MSRB3: variants seen among roughly 807,000 people sequenced by gnomAD.
MSRB3 encodes the protein methionine-R-sulfoxide reductase B3.
In MSRB3, 13 loss-of-function variants were observed where a neutral mutation model predicts 21.0. The observed-to-expected ratio is 0.62, with a 90% CI of 0.40 to 0.98. The LOEUF (loss-of-function observed/expected upper bound fraction) is 0.98, where lower values mean the gene tolerates loss of function less well. Ranked by LOEUF, MSRB3 falls within the 50% of genes least tolerant of loss-of-function variation. MSRB3 has a pLI of 0.00. For synonymous variants in MSRB3, 87 were observed against 88.6 expected, an observed-to-expected ratio of 0.98 and a Z score of 0.10; for missense variants, 199 against 230.3, an observed-to-expected ratio of 0.86 and a Z score of 0.88.
intron 5 of MSRB3, among the ~76,000 whole-genome samples, chr12:65,396,687 A>G (rs1178050072): frequency 2.4e-4 from 18 of 76,536 alleles, no homozygotes; most frequent in Non-Finnish European, 4.5e-4. Flanking sequence ...GTGAAACTCC[A>G]TCTCAAAAAA....
intron 4 of MSRB3, among the ~76,000 whole-genome samples, chr12:65,343,066 G>A (rs1180252301): frequency 6.6e-6 from 1 of 152,002 alleles, no homozygotes; most frequent in East Asian, 1.9e-4. Context: ...TTTGCTCAAT[G>A]TGTTACAAAC....
intron 6 of MSRB3, among the ~76,000 whole-genome samples, chr12:65,462,322 G>T (rs1169090291): frequency 1.3e-5 from 2 of 152,162 alleles, no homozygotes; most frequent in African/African-American, 4.8e-5. Context: ...CGCAGTTAGT[G>T]TAGGGGTGTT....
At chr12:65,288,091 T>A (rs1254440250) in intron 1 of MSRB3, among the ~76,000 whole-genome samples, 1 of 151,848 alleles carries the variant, frequency 6.6e-6, no homozygotes, top group African/African-American at 2.4e-5. Flanking sequence ...GATCACGAGG[T>A]CAAGAGATTG....
At chr12:65,318,400 T>C (rs577395561) in intron 2 of MSRB3, among the ~76,000 whole-genome samples, 1 of 152,266 alleles carries the variant, frequency 6.6e-6, no homozygotes, top group Admixed American at 6.5e-5. Flanking sequence ...TCCCTAGCAG[T>C]CGGTGCTCCC....
chr12:65,325,443 C>T (rs916199983), intron 2 of MSRB3, among the ~76,000 whole-genome samples: 28 of 151,984 alleles, frequency 1.8e-4, no homozygotes, highest in Non-Finnish European at 8.8e-5. Flanking sequence ...GTATCTTGCT[C>T]TTTGGGTCTG....
chr12:65,319,881 T>G (rs1212723453), intron 2 of MSRB3, among the ~76,000 whole-genome samples: 1 of 152,182 alleles, frequency 6.6e-6, no homozygotes, highest in East Asian at 1.9e-4. Flanking sequence ...GGTGAACTTA[T>G]CAGGATGTGT....
At chr12:65,308,806 T>A in intron 2 of MSRB3, 151 bp downstream of exon 2, 1 of 971,452 alleles carries the variant, frequency 1.0e-6, no homozygotes, top group Non-Finnish European at 1.6e-6. Context: ...AAATCACCAC[T>A]CTACTTTGAG....
chr12:65,454,293 T>TTAAATAAATAAATAAA (rs71434084), intron 6 of MSRB3: 3 of 145,990 alleles, frequency 2.1e-5, no homozygotes, highest in Admixed American at 6.9e-5. Context: ...GTCTCATAAA[T>TTAAATAAATAAATAAA]TAAATAAATA....
chr12:65,429,496 A>G (rs1237134612), intron 5 of MSRB3, among the ~76,000 whole-genome samples: 6 of 152,166 alleles, frequency 3.9e-5, no homozygotes, highest in African/African-American at 1.2e-4. Flanking sequence ...GAGTTGGATC[A>G]TGCAGGTTTT....
At chr12:65,284,992 C>T (rs1399504107) in intron 1 of MSRB3, 1 of 152,180 alleles carries the variant, frequency 6.6e-6, no homozygotes, top group Admixed American at 6.5e-5. Flanking sequence ...TTTGAACACA[C>T]ATTGTGTCTC....
intron 2 of MSRB3, among the ~76,000 whole-genome samples, chr12:65,319,894 C>T (rs909399855): frequency 3.9e-5 from 6 of 152,074 alleles, no homozygotes; most frequent in Admixed American, 2.0e-4. Context: ...GGATGTGTAG[C>T]CTTGGAAGGA....
At chr12:65,350,554 A>T (rs1876895747) in intron 4 of MSRB3, among the ~76,000 whole-genome samples, 1 of 151,288 alleles carries the variant, frequency 6.6e-6, no homozygotes, top group Non-Finnish European at 1.5e-5. Flanking sequence ...AGTGTGCTGT[A>T]TTCAGGAAAC....
chr12:65,414,244 A>G (rs559894111), intron 5 of MSRB3, among the ~76,000 whole-genome samples: 3 of 152,294 alleles, frequency 2.0e-5, no homozygotes, highest in African/African-American at 7.2e-5. Flanking sequence ...GAAAGCATAG[A>G]GAATAATTAG....
intron 5 of MSRB3, among the ~76,000 whole-genome samples, chr12:65,401,150 A>G (rs1292244575): frequency 6.6e-6 from 1 of 152,174 alleles, no homozygotes; most frequent in Non-Finnish European, 1.5e-5. Flanking sequence ...GCTGAGTTCA[A>G]GTCCCAAATA....
intron 5 of MSRB3, among the ~76,000 whole-genome samples, chr12:65,382,977 A>G (rs918520953): frequency 6.6e-6 from 1 of 152,010 alleles, no homozygotes; most frequent in Non-Finnish European, 1.5e-5. Context: ...TTTTTTCCAA[A>G]AGTTTTCTTT....
intron 2 of MSRB3, among the ~76,000 whole-genome samples, chr12:65,319,304 G>A (rs905676079): frequency 2.0e-5 from 3 of 151,916 alleles, no homozygotes; most frequent in Non-Finnish European, 4.4e-5. Context: ...CTTTTCATCA[G>A]GATAGGGTAA....
At chr12:65,324,353 C>G (rs1455956699) in intron 2 of MSRB3, among the ~76,000 whole-genome samples, 4 of 152,236 alleles carry the variant, frequency 2.6e-5, no homozygotes, top group Admixed American at 6.5e-5. Context: ...CAAAGGAGTA[C>G]AGCAGCACTC....
chr12:65,350,378 C>A (rs535124804), intron 4 of MSRB3, among the ~76,000 whole-genome samples: 1 of 151,842 alleles, frequency 6.6e-6, no homozygotes, highest in Non-Finnish European at 1.5e-5. Flanking sequence ...TAAAGACCAT[C>A]GAGACTAGGA....
At chr12:65,326,785 A>G (rs1195824814) in intron 2 of MSRB3, 41 bp from the exon 3 acceptor site, 1 of 1,515,008 alleles carries the variant, frequency 6.6e-7, no homozygotes, top group Non-Finnish European at 9.1e-7. Context: ...TTAGGATTCA[A>G]GCTAAAAAGG....
Sources: allele counts gnomAD v4.1 joint callset (sites outside exome capture counted in the v4.1 genomes callset), GRCh38; gene constraint gnomAD v4.1.1; transcripts MANE v1.5; gene names NCBI Gene and HGNC (gene_info 2026-07-23, HGNC 2026-07-21).